Variants in EFCAB6 observed in about 807,000 individuals in gnomAD.
The protein encoded by EFCAB6 is EF-hand calcium binding domain 6, also known as EF-hand calcium-binding domain-containing protein 6.
Under a neutral mutation model 169.8 loss-of-function variants are expected in EFCAB6, and 156 were observed. That is an observed-to-expected ratio of 0.92 (90% CI 0.81 to 1.05). EFCAB6 has a LOEUF of 1.05. Among genes scored for constraint, EFCAB6 ranks in the 50% least tolerant of loss-of-function variants. The pLI, the probability that EFCAB6 is intolerant of heterozygous loss-of-function variation, is 0.00. For missense variants in EFCAB6, 1,800 were observed against 1,829.1 expected (o/e 0.98, Z 0.29); for synonymous variants, 698 against 676.4 (o/e 1.03, Z -0.50).
At chr22:43,777,148 C>T (rs1049936383) in intron 3 of EFCAB6, among the ~76,000 whole-genome samples, 2 of 152,070 alleles carry the variant, frequency 1.3e-5, no homozygotes, top group African/African-American at 4.8e-5. Flanking sequence ...AAGGATAATC[C>T]CTTGGTGCTG....
intron 5 of EFCAB6, among the ~76,000 whole-genome samples, chr22:43,763,794 CAG>C (rs2061241578): frequency 6.6e-6 from 1 of 151,922 alleles, no homozygotes; most frequent in Admixed American, 6.6e-5. Context: ...TCTTTTGAGA[CAG>C]AGTCTCACTT....
intron 26 of EFCAB6, among the ~76,000 whole-genome samples, chr22:43,563,380 CAACATGACAA>C (rs1396093588): frequency 6.6e-6 from 1 of 152,148 alleles, no homozygotes; most frequent in African/African-American, 2.4e-5. Context: ...CCAGCCTGGG[CAACATGACAA>C]AACCCCATCT....
intron 18 of EFCAB6, among the ~76,000 whole-genome samples, chr22:43,633,407 G>A (rs1282709936): frequency 6.6e-6 from 1 of 152,216 alleles, no homozygotes; most frequent in Non-Finnish European, 1.5e-5. Flanking sequence ...AATTAGCTGG[G>A]TGTGGTGGTG....
intron 3 of EFCAB6, 70 bp from the exon 4 acceptor site, chr22:43,773,173 G>A (rs2061533991): frequency 1.1e-5 from 17 of 1,492,296 alleles, no homozygotes; most frequent in Non-Finnish European, 1.5e-5. Context: ...CTCTTGCACT[G>A]TTGAACGGAA....
rs188171573 is a variant in EFCAB6 at position 43,556,375 on chromosome 22, C to T, written c.3421-1279G>A. ...GGAAGGGGTGGGGCTAGAAGACACG[C>T]GTGGGAGTCGGGAACAAGTGAGATT... On this transcript the variant is annotated intron_variant, in intron 26 of 31. Coordinates refer to ENST00000262726, the MANE Select transcript of EFCAB6 (RefSeq NM_022785.4). Among the ~76,000 whole-genome samples the T allele has an allele frequency of 5.0e-3, 755 of 152,190 alleles. 6 individuals carry two copies. The highest frequency in any genetic ancestry group is 6.5e-3 in the Non-Finnish European group (440 of 68,002).
intron 10 of EFCAB6, 30 bp from the exon 11 acceptor site, chr22:43,687,611 T>C (rs1428374480): frequency 2.2e-6 from 3 of 1,392,746 alleles, no homozygotes; most frequent in East Asian, 4.6e-5. Flanking sequence ...CAAAAAACAT[T>C]ACTTTAAACA....
At chr22:43,617,123 G>A (rs1233587734) in intron 20 of EFCAB6, among the ~76,000 whole-genome samples, 1 of 152,212 alleles carries the variant, frequency 6.6e-6, no homozygotes, top group Admixed American at 6.5e-5. Flanking sequence ...TTCGAGGGTG[G>A]AAAGGGATCC....
chr22:43,608,185 A>G (rs2053051883), intron 22 of EFCAB6, among the ~76,000 whole-genome samples: 1 of 152,192 alleles, frequency 6.6e-6, no homozygotes, highest in African/African-American at 2.4e-5. Context: ...AAAACAGTAA[A>G]GGTCTGGGCT....
At chr22:43,706,664 CACAA>C (rs1171681674) in intron 10 of EFCAB6, among the ~76,000 whole-genome samples, 1 of 152,226 alleles carries the variant, frequency 6.6e-6, no homozygotes, top group African/African-American at 2.4e-5. Context: ...GTATAAAGTG[CACAA>C]ACAATTGATC....
At chr22:43,799,240 G>C (rs9626024) in intron 2 of EFCAB6, among the ~76,000 whole-genome samples, 4,564 of 151,914 alleles carry the variant, frequency 0.03, 263 homozygotes, top group African/African-American at 0.1. Context: ...TGAGATGGGA[G>C]GATCACTTGA....
chr22:43,777,498 G>C (rs137977460), intron 3 of EFCAB6, among the ~76,000 whole-genome samples: 5 of 152,254 alleles, frequency 3.3e-5, no homozygotes, highest in Non-Finnish European at 7.4e-5. Context: ...GGAAGCACTC[G>C]GGCTTCCCTT....
chr22:43,782,148 G>C (rs1255744251), intron 3 of EFCAB6, 32 bp downstream of exon 3: 1 of 1,599,378 alleles, frequency 6.3e-7, no homozygotes, highest in East Asian at 2.2e-5. Context: ...GATATCTACA[G>C]TTAGTGTTCT....
intron 17 of EFCAB6, among the ~76,000 whole-genome samples, chr22:43,645,935 T>TTGACCTGG (rs1338022423): frequency 6.6e-5 from 10 of 152,092 alleles, no homozygotes; most frequent in Non-Finnish European, 1.3e-4. Flanking sequence ...ATTCCAGGCA[T>TTGACCTGG]AACTAATGCA....
At chr22:43,806,294 C>T (rs1406660427) in intron 2 of EFCAB6, among the ~76,000 whole-genome samples, 6 of 150,740 alleles carry the variant, frequency 4.0e-5, no homozygotes, top group South Asian at 2.1e-4. Flanking sequence ...GGAGGTCTCA[C>T]GCTGGAATGC....
intron 26 of EFCAB6, among the ~76,000 whole-genome samples, chr22:43,565,516 G>A (rs2049366309): frequency 6.6e-6 from 1 of 152,192 alleles, no homozygotes; most frequent in African/African-American, 2.4e-5. Flanking sequence ...TGGACATATT[G>A]CAAAGGGGCT....
intron 22 of EFCAB6, 73 bp downstream of exon 22, chr22:43,608,409 T>C: frequency 1.5e-6 from 2 of 1,329,794 alleles, no homozygotes; most frequent in Admixed American, 1.9e-5. Flanking sequence ...TAGGAAAGAT[T>C]AGGCTGAATT....
chr22:43,580,743 G>T, intron 24 of EFCAB6, 84 bp from the exon 25 acceptor site: 1 of 1,391,870 alleles, frequency 7.2e-7, no homozygotes, highest in Non-Finnish European at 9.9e-7. Flanking sequence ...TGAGCACATT[G>T]GGCAATGTGG....
At chr22:43,623,629 C>T (rs1342683579) in intron 20 of EFCAB6, among the ~76,000 whole-genome samples, 3 of 150,920 alleles carry the variant, frequency 2.0e-5, no homozygotes, top group Non-Finnish European at 2.9e-5. Context: ...GGCGCGGTGG[C>T]TCACGCCTGT....
intron 19 of EFCAB6, 90 bp downstream of exon 19, chr22:43,632,015 G>A: frequency 6.6e-7 from 1 of 1,526,342 alleles, no homozygotes; most frequent in Non-Finnish European, 8.8e-7. Flanking sequence ...ACTGGGACAT[G>A]ACCTACACCA....
Sources: allele counts gnomAD v4.1 joint callset (sites outside exome capture counted in the v4.1 genomes callset), GRCh38; gene constraint gnomAD v4.1.1; transcripts MANE v1.5; gene names NCBI Gene and HGNC (gene_info 2026-07-23, HGNC 2026-07-21).